The following BTBD9 variants were observed in gnomAD, a reference collection of about 807,000 sequenced individuals.
BTBD9 encodes the protein BTB domain containing 9.
A neutral mutation model predicts 64.3 loss-of-function variants in BTBD9; 49 were observed. The observed-to-expected ratio is 0.76, with a 90% CI of 0.61 to 0.97. The LOEUF is 0.97. BTBD9 is among the 50% of genes least tolerant of loss of function. BTBD9 has a pLI of 0.00. For missense variants in BTBD9, 598 were observed against 762.1 expected, an observed-to-expected ratio of 0.78 and a Z score of 2.53; for synonymous variants, 260 against 274.7, an observed-to-expected ratio of 0.95 and a Z score of 0.53.
At chr6:38,465,402 G>A (rs1770300657) in intron 6 of BTBD9, among the ~76,000 whole-genome samples, 1 of 149,752 alleles carries the variant, frequency 6.7e-6, no homozygotes, top group Admixed American at 6.7e-5. Flanking sequence ...CAGATCACGA[G>A]GTCAGGAAAT....
chr6:38,217,611 G>A (rs1482363457), intron 9 of BTBD9, among the ~76,000 whole-genome samples: 1 of 152,042 alleles, frequency 6.6e-6, no homozygotes, highest in African/African-American at 2.4e-5. Context: ...GGGCTGTGAT[G>A]GAACAGAATG....
At chr6:38,185,692 C>CA (rs1761786790) in intron 10 of BTBD9, among the ~76,000 whole-genome samples, 1 of 152,194 alleles carries the variant, frequency 6.6e-6, no homozygotes, top group South Asian at 2.1e-4. Flanking sequence ...GAGGAAACCC[C>CA]AATTCTGGCT....
intron 6 of BTBD9, among the ~76,000 whole-genome samples, chr6:38,393,648 C>CT (rs1337027208): frequency 1.3e-5 from 2 of 152,184 alleles, no homozygotes; most frequent in Admixed American, 1.3e-4. Context: ...AAGGTACTTG[C>CT]TAAAGCCTGA....
intron 8 of BTBD9, among the ~76,000 whole-genome samples, chr6:38,268,840 T>C (rs890610800): frequency 2.0e-5 from 3 of 152,244 alleles, no homozygotes; most frequent in Non-Finnish European, 2.9e-5. Context: ...TCGTTCCTCC[T>C]TCAGGTTCTC....
intron 6 of BTBD9, among the ~76,000 whole-genome samples, chr6:38,554,925 TG>T (rs1330041375): frequency 3.9e-5 from 6 of 152,300 alleles, no homozygotes; most frequent in African/African-American, 1.2e-4. Context: ...CCTTTTCAAA[TG>T]GATTAGGAAG....
Position 38,412,889 on chromosome 6 carries a change from C to T in BTBD9, c.1155-67796G>A, listed in dbSNP as rs145842249. Among the ~76,000 whole-genome samples, 4 of 151,724 alleles carry T rather than the reference C, an allele frequency of 2.6e-5. No individual in the cohort carries two copies. The East Asian group carries it at 5.8e-4, about 22-fold the overall frequency. ...AACAACAACAACAACAACAACAAAA[C>T]AGTCGGAAATTTTGTAAACTGCCTT... On this transcript the variant is annotated intron_variant, in intron 6 of 10. Coordinates refer to ENST00000481247, the MANE Select transcript of BTBD9 (RefSeq NM_001099272.2).
intron 6 of BTBD9, among the ~76,000 whole-genome samples, chr6:38,425,569 G>C (rs1294383242): frequency 6.6e-6 from 1 of 151,768 alleles, no homozygotes; most frequent in African/African-American, 2.4e-5. Context: ...GAGAGAATAG[G>C]AGAGGGAGTT....
intron 9 of BTBD9, among the ~76,000 whole-genome samples, chr6:38,203,194 G>C (rs1357462049): frequency 6.6e-6 from 1 of 152,218 alleles, no homozygotes; most frequent in East Asian, 1.9e-4. Context: ...AGAATGAAGA[G>C]AAAAAGGAAC....
intron 6 of BTBD9, among the ~76,000 whole-genome samples, chr6:38,560,364 A>T (rs1775212273): frequency 6.6e-6 from 1 of 152,212 alleles, no homozygotes; most frequent in Non-Finnish European, 1.5e-5. Context: ...ACAATGCGAT[A>T]CCATCTCACA....
intron 6 of BTBD9, among the ~76,000 whole-genome samples, chr6:38,433,756 T>C (rs1768568292): frequency 6.6e-6 from 1 of 152,040 alleles, no homozygotes; most frequent in South Asian, 2.1e-4. Context: ...TATTTTCTTC[T>C]AGCATTCATT....
At chr6:38,321,829 AC>A (rs1392493926) in intron 7 of BTBD9, among the ~76,000 whole-genome samples, 2 of 151,668 alleles carry the variant, frequency 1.3e-5, no homozygotes, top group African/African-American at 4.8e-5. Flanking sequence ...TTATACACAC[AC>A]ACACACACAC....
chr6:38,623,859 A>G (rs948957122), intron 1 of BTBD9, among the ~76,000 whole-genome samples: 6 of 152,288 alleles, frequency 3.9e-5, no homozygotes, highest in African/African-American at 1.4e-4. Context: ...TCAAGTCACA[A>G]CTTCTACCAA....
Position 38,171,845 on chromosome 6 carries a change from TC to T in BTBD9, c.*3139del, listed in dbSNP as rs1766780137. ...CTCCAATGAAGTTGCCTTTCTACTC[TC>T]AAAAAAAAAAAAAAAAAAAAAAAAA... On this transcript the variant is annotated 3_prime_UTR_variant, in exon 11 of 11. Transcript: ENST00000481247. The T allele has an allele frequency of 1.1e-4, 1 of 9,428 alleles. No homozygotes were observed. Among genetic ancestry groups the T allele is most frequent in the Admixed American group, 1.7e-3 (1 of 574 alleles). The allele number at this position is 9,428 out of a possible 1,614,324, so 0.6% of individuals were successfully genotyped here. A position where few individuals can be genotyped will look rare whatever the true frequency, so the allele number is the denominator to read the frequency against.
intron 7 of BTBD9, among the ~76,000 whole-genome samples, chr6:38,319,357 T>C (rs1210183655): frequency 6.6e-6 from 1 of 151,704 alleles, no homozygotes; most frequent in African/African-American, 2.4e-5. Flanking sequence ...GCAGTAGGAG[T>C]CTCTCCTCAT....
chr6:38,386,504 T>C (rs1201959789), intron 6 of BTBD9, among the ~76,000 whole-genome samples: 3 of 152,180 alleles, frequency 2.0e-5, no homozygotes, highest in Admixed American at 6.5e-5. Context: ...CAGGCTCATT[T>C]AGCAGGTGCT....
intron 9 of BTBD9, among the ~76,000 whole-genome samples, chr6:38,231,966 G>A (rs1763623404): frequency 6.6e-6 from 1 of 152,222 alleles, no homozygotes. Context: ...ACAGGAAATA[G>A]GAGAGAAGGG....
At chr6:38,449,024 C>T (rs535678166) in intron 6 of BTBD9, among the ~76,000 whole-genome samples, 3 of 152,252 alleles carry the variant, frequency 2.0e-5, no homozygotes, top group African/African-American at 7.2e-5. Flanking sequence ...CATAAAAAAA[C>T]TGGAATGCAC....
At chr6:38,488,230 C>T (rs1771546094) in intron 6 of BTBD9, among the ~76,000 whole-genome samples, 3 of 152,066 alleles carry the variant, frequency 2.0e-5, no homozygotes, top group Admixed American at 2.0e-4. Context: ...AGCCACCATG[C>T]CCAGCCCCTA....
chr6:38,256,342 A>G (rs548341228), intron 9 of BTBD9, 67 bp downstream of exon 9: 1 of 1,153,544 alleles, frequency 8.7e-7, no homozygotes, highest in South Asian at 1.3e-5. Flanking sequence ...TTTTCTTTTG[A>G]GCCTCCCAAT....
Sources: allele counts gnomAD v4.1 joint callset (sites outside exome capture counted in the v4.1 genomes callset), GRCh38; gene constraint gnomAD v4.1.1; transcripts MANE v1.5; gene names NCBI Gene and HGNC (gene_info 2026-07-23, HGNC 2026-07-21).